Variants in MYO9A observed in about 807,000 individuals in gnomAD.
MYO9A encodes myosin IXA.
Under a neutral mutation model 293.3 loss-of-function variants are expected in MYO9A, and 103 were observed. The ratio of observed to expected loss-of-function variants is 0.35; its 90% CI spans 0.30 to 0.41. MYO9A has a LOEUF of 0.41. Ranked by LOEUF, MYO9A falls within the 10% of genes least tolerant of loss-of-function variation. The pLI is 1.00. For synonymous variants in MYO9A, 1,001 were observed against 1,035.7 expected (o/e 0.97, Z 0.64); for missense variants, 2,685 against 3,033.0 (o/e 0.89, Z 2.69).
chr15:72,108,672 T>C (rs879490694), intron 1 of MYO9A, among the ~76,000 whole-genome samples: 1 of 152,182 alleles, frequency 6.6e-6, no homozygotes, highest in African/African-American at 2.4e-5. Context: ...TTCCTAGGTG[T>C]TGGTAATAGC....
At chr15:71,963,931 GA>G (rs1424997906) in intron 13 of MYO9A, among the ~76,000 whole-genome samples, 1 of 152,168 alleles carries the variant, frequency 6.6e-6, no homozygotes, top group Non-Finnish European at 1.5e-5. Flanking sequence ...TTCCTCTGTG[GA>G]AAAGTTCTGA....
At chr15:71,847,374 A>T (rs1294668420) in intron 39 of MYO9A, 1 of 433,014 alleles carries the variant, frequency 2.3e-6, no homozygotes, top group East Asian at 7.1e-5. Context: ...GAGAGACAAT[A>T]ATGTAGAGTG....
At chr15:71,829,050 G>A (rs934946268) in intron 40 of MYO9A, among the ~76,000 whole-genome samples, 16 of 152,304 alleles carry the variant, frequency 1.1e-4, no homozygotes, top group African/African-American at 3.1e-4. Flanking sequence ...TGCATTCTGA[G>A]ACTCTGCTCG....
At chr15:72,040,491 C>T (rs956554888) in intron 2 of MYO9A, among the ~76,000 whole-genome samples, 3 of 152,172 alleles carry the variant, frequency 2.0e-5, no homozygotes, top group African/African-American at 7.2e-5. Context: ...AGGAGGACCT[C>T]ATCTCACTTT....
intron 7 of MYO9A, among the ~76,000 whole-genome samples, chr15:72,009,955 C>T (rs74025209): frequency 8.4e-4 from 128 of 151,870 alleles, no homozygotes; most frequent in African/African-American, 2.9e-3. Flanking sequence ...AGAGGAAATA[C>T]ACTGAAAATT....
At chr15:71,986,800 T>C (rs1457242152) in intron 11 of MYO9A, among the ~76,000 whole-genome samples, 1 of 152,172 alleles carries the variant, frequency 6.6e-6, no homozygotes, top group East Asian at 1.9e-4. Context: ...AGTAAAAACA[T>C]TACAGTAGGC....
intron 18 of MYO9A, among the ~76,000 whole-genome samples, chr15:71,916,767 T>C (rs986312274): frequency 1.3e-5 from 2 of 152,218 alleles, no homozygotes; most frequent in Non-Finnish European, 2.9e-5. Context: ...CATGTGAAAC[T>C]GGGAAGGTAT....
chr15:72,034,791 G>A (rs983446877), intron 2 of MYO9A, among the ~76,000 whole-genome samples: 14 of 152,308 alleles, frequency 9.2e-5, no homozygotes, highest in African/African-American at 3.1e-4. Flanking sequence ...AAATATGGAT[G>A]TGTGATGTAC....
At chr15:71,997,781 C>A (rs1254087287) in intron 9 of MYO9A, among the ~76,000 whole-genome samples, 2 of 152,014 alleles carry the variant, frequency 1.3e-5, no homozygotes, top group African/African-American at 4.8e-5. Context: ...TACCATCTCA[C>A]GTGAGTCACA....
chr15:71,910,917 T>C (rs2057827889), intron 19 of MYO9A, among the ~76,000 whole-genome samples: 1 of 152,182 alleles, frequency 6.6e-6, no homozygotes, highest in Admixed American at 6.5e-5. Flanking sequence ...TGGTTTAAAG[T>C]TTTATTGGAA....
chr15:71,852,512 C>A (rs369429838), intron 35 of MYO9A, among the ~76,000 whole-genome samples: 1 of 151,932 alleles, frequency 6.6e-6, no homozygotes, highest in African/African-American at 2.4e-5. Context: ...TACGGGCATG[C>A]GCCGCCACGC....
chr15:72,089,497 A>G (rs1260151223), intron 1 of MYO9A, among the ~76,000 whole-genome samples: 1 of 151,988 alleles, frequency 6.6e-6, no homozygotes, highest in African/African-American at 2.4e-5. Context: ...GAACCGTATG[A>G]GCTGGGCCAC....
intron 6 of MYO9A, among the ~76,000 whole-genome samples, chr15:72,014,512 C>G (rs954976623): frequency 2.6e-5 from 4 of 152,042 alleles, no homozygotes; most frequent in Non-Finnish European, 5.9e-5. Flanking sequence ...ATGGTGAAAA[C>G]CTATCTCTAC....
chr15:71,975,972 G>A (rs894876560), intron 12 of MYO9A, among the ~76,000 whole-genome samples: 1 of 152,160 alleles, frequency 6.6e-6, no homozygotes, highest in Non-Finnish European at 1.5e-5. Context: ...GTCCTACGCA[G>A]CTCCTCATTG....
At chr15:71,973,101 T>C (rs1717824244) in intron 12 of MYO9A, among the ~76,000 whole-genome samples, 1 of 152,186 alleles carries the variant, frequency 6.6e-6, no homozygotes. Context: ...CTTGGTCTGT[T>C]TGAGCTCAGG....
At chr15:72,002,122 C>A (rs2076883281) in intron 8 of MYO9A, among the ~76,000 whole-genome samples, 1 of 152,058 alleles carries the variant, frequency 6.6e-6, no homozygotes, top group Non-Finnish European at 1.5e-5. Flanking sequence ...CCTGAACTCA[C>A]AAGTACTCAG....
At chr15:71,924,695 T>C (rs1038146425) in intron 18 of MYO9A, among the ~76,000 whole-genome samples, 2 of 151,974 alleles carry the variant, frequency 1.3e-5, no homozygotes, top group African/African-American at 4.8e-5. Flanking sequence ...CCAAGATGGG[T>C]GGATCACCTG....
chr15:71,822,291 T>C lies in MYO9A; in HGVS notation c.*4289A>G, dbSNP rs2054306871. 2 of 152,340 alleles carry C rather than the reference T, an allele frequency of 1.3e-5. No homozygotes were observed. Among genetic ancestry groups the C allele is most frequent in the South Asian group, 4.1e-4 (2 of 4,826 alleles). 9.4% of individuals were successfully genotyped at this position (152,340 alleles called of 1,614,324 possible). On this transcript the variant is annotated 3_prime_UTR_variant, in exon 42 of 42. Transcript: ENST00000356056. ...TTGGAAAACAAACCACACATATTGC[T>C]GCTTCTGGAAGCTTTGTTCTTTAAT...
rs750525851 is a variant in MYO9A, at chr15:71,933,701, T to C, written c.2531A>G (p.Lys844Arg). 6.2e-7 allele frequency: 1 copy of C among 1,608,088 alleles called. No individual in the cohort carries two copies. Among genetic ancestry groups the C allele is most frequent in the South Asian group, 1.1e-5 (1 of 89,618 alleles). ...AAGGGCAGGCTTGGATTTGAAATTT[T>C]TGTTTCTCCTATAGAGATAAATCAT... The part of the protein sequence containing the change: ...ERAHGILTRN[K>R]NFKSKPALPK... Residue 844 changes from lysine to arginine, a missense_variant, in exon 18 of 42, where the codon AAA becomes AGA. Lys to Arg is a conservative substitution (Grantham distance 26). Around this residue, in one of 10 missense-constraint regions of MYO9A, gnomAD observed 1,434 missense variants for 1,497.7 expected, o/e 0.96. Coordinates refer to ENST00000356056, the MANE Select transcript of MYO9A (RefSeq NM_006901.4).
Sources: gnomAD v4.1 joint callset for allele counts (sites outside exome capture counted in the v4.1 genomes callset) on GRCh38, gnomAD v4.1.1 for gene constraint, gnomAD v4.1.1 regional missense constraint, MANE v1.5 for transcripts, NCBI Gene and HGNC (gene_info 2026-07-23, HGNC 2026-07-21) for gene names.